Variants in GLG1 observed in about 807,000 individuals in gnomAD.
The protein encoded by GLG1 is golgi glycoprotein 1.
GLG1 carries 38 observed loss-of-function variants against 160.5 expected under a neutral mutation model. The ratio of observed to expected loss-of-function variants is 0.24; its 90% CI spans 0.18 to 0.31. GLG1 has a LOEUF of 0.31. Among genes scored for constraint, GLG1 ranks in the 10% least tolerant of loss-of-function variants. The probability of loss-of-function intolerance (pLI) is 1.00; values close to 1 mark genes in which losing one functional copy is unlikely to be tolerated. For synonymous variants in GLG1, 644 were observed against 543.4 expected, an observed-to-expected ratio of 1.19 and a Z score of -2.57; for missense variants, 1,373 against 1,505.2, an observed-to-expected ratio of 0.91 and a Z score of 1.45.
Position 74,606,847 on chromosome 16 carries a change from T to A in GLG1, c.248A>T (p.Gln83Leu), listed in dbSNP as rs1298610882. 11 of 1,597,844 alleles carry A rather than the reference T, an allele frequency of 6.9e-6. No homozygotes were observed. The highest frequency in any genetic ancestry group is 9.4e-6 in the Non-Finnish European group (11 of 1,173,188). The change falls in exon 1 of 26, where the codon CAG becomes CTG. Residue 83 changes from glutamine to leucine, a missense_variant. Gln to Leu is a moderately radical substitution (Grantham distance 113, BLOSUM62 -2). This residue lies in a region of GLG1 where 322 missense variants were observed against 254.6 expected (regional missense o/e 1.26). Transcript: ENST00000422840. ...AGGCGGCTGCGGCGGCTGAGGCTGC[T>A]GTTGCTGTTGCTGCTGCTGCTGTTG... is the stretch of plus-strand genomic sequence containing the variant. ...QQQQQQQQQQ[Q>L]QPQPPQPPFP...
intron 1 of GLG1, among the ~76,000 whole-genome samples, chr16:74,539,847 A>G (rs2143643220): frequency 6.8e-6 from 1 of 146,252 alleles, no homozygotes; most frequent in South Asian, 2.2e-4. Context: ...AAACTCTAAC[A>G]CTAGTTAAAC....
intron 1 of GLG1, among the ~76,000 whole-genome samples, chr16:74,592,436 T>C (rs1958206223): frequency 6.6e-6 from 1 of 152,110 alleles, no homozygotes; most frequent in Admixed American, 6.6e-5. Context: ...CCGGACTGTT[T>C]ATATAAATGT....
At position 74,503,699 on chromosome 16, in the gene GLG1, G is replaced by T. The variant is rs767088488; in HGVS notation, c.606C>A (p.Ser202=). The part of the protein sequence containing the change: ...DEPVGKGYMV[S]CLVDHRGNIT... ...TGTTGCCTCGGTGATCCACCAAGCAGGAAACCATGTAACCTTTTCCAACCG... is the reference window on the plus strand; with the variant it reads ...TGTTGCCTCGGTGATCCACCAAGCATGAAACCATGTAACCTTTTCCAACCG... The change falls in exon 4 of 26, where the codon TCC becomes TCA. Residue 202 remains serine (S), a synonymous_variant. Coordinates refer to ENST00000422840, the MANE Select transcript of GLG1 (RefSeq NM_001145667.2). The T allele has an allele frequency of 6.2e-7, 1 of 1,613,298 alleles. No homozygotes were observed. Among genetic ancestry groups the T allele is most frequent in the Admixed American group, 1.7e-5 (1 of 60,010 alleles).
At chr16:74,595,699 T>C (rs1597383205) in intron 1 of GLG1, among the ~76,000 whole-genome samples, 2 of 152,262 alleles carry the variant, frequency 1.3e-5, no homozygotes, top group African/African-American at 2.4e-5. Flanking sequence ...ATCAGTGCTA[T>C]TCATAAGTAT....
intron 19 of GLG1, among the ~76,000 whole-genome samples, chr16:74,464,218 A>G (rs1184821099): frequency 1.3e-5 from 2 of 152,148 alleles, no homozygotes; most frequent in African/African-American, 4.8e-5. Context: ...TGAGGAACTT[A>G]TTGTTTAAGC....
At chr16:74,561,028 C>A (rs1333129020) in intron 1 of GLG1, among the ~76,000 whole-genome samples, 7 of 152,228 alleles carry the variant, frequency 4.6e-5, no homozygotes, top group Non-Finnish European at 1.0e-4. Context: ...ACCACGCAGT[C>A]CTGCGCAGTC....
intron 10 of GLG1, among the ~76,000 whole-genome samples, chr16:74,482,796 G>A (rs2015650364): frequency 6.6e-6 from 1 of 152,168 alleles, no homozygotes; most frequent in South Asian, 2.1e-4. Context: ...TTCCAAAGTC[G>A]TGGTGAACAA....
chr16:74,490,515 A>G (rs1190329708), intron 8 of GLG1, among the ~76,000 whole-genome samples: 6 of 152,256 alleles, frequency 3.9e-5, no homozygotes, highest in Non-Finnish European at 8.8e-5. Context: ...TTGATCCTTC[A>G]GGCCAGGAAT....
At chr16:74,480,113 A>T (rs914476929) in intron 11 of GLG1, 128 bp downstream of exon 11, 5 of 726,860 alleles carry the variant, frequency 6.9e-6, no homozygotes, top group Non-Finnish European at 1.2e-5. Flanking sequence ...CTAGAAGTGC[A>T]GCAATCTTCT....
intron 1 of GLG1, among the ~76,000 whole-genome samples, chr16:74,539,958 G>A (rs1425356797): frequency 1.1e-5 from 1 of 89,390 alleles, no homozygotes; most frequent in African/African-American, 4.2e-5. Context: ...TGGTTGACCT[G>A]TGAGTGAAAA....
intron 8 of GLG1, among the ~76,000 whole-genome samples, chr16:74,487,088 A>G (rs1321430763): frequency 1.3e-5 from 2 of 151,932 alleles, no homozygotes; most frequent in Non-Finnish European, 2.9e-5. Flanking sequence ...TAACTTTTGT[A>G]TTTTTAGTGG....
intron 1 of GLG1, among the ~76,000 whole-genome samples, chr16:74,551,607 C>A (rs1427182326): frequency 6.6e-6 from 1 of 151,426 alleles, no homozygotes; most frequent in Non-Finnish European, 1.5e-5. Context: ...CCATGCCCAG[C>A]CCTTATTTTT....
chr16:74,488,334 T>C (rs1313992276), intron 8 of GLG1, among the ~76,000 whole-genome samples: 1 of 152,044 alleles, frequency 6.6e-6, no homozygotes, highest in African/African-American at 2.4e-5. Context: ...TTGAGCCCAG[T>C]AGTTTGAGAA....
At chr16:74,594,128 A>C (rs1028706494) in intron 1 of GLG1, among the ~76,000 whole-genome samples, 5 of 152,030 alleles carry the variant, frequency 3.3e-5, no homozygotes, top group Non-Finnish European at 5.9e-5. Flanking sequence ...GCTGGTCTCG[A>C]ACCCCTGACC....
At chr16:74,583,103 C>T (rs1389820554) in intron 1 of GLG1, among the ~76,000 whole-genome samples, 1 of 152,092 alleles carries the variant, frequency 6.6e-6, no homozygotes, top group Non-Finnish European at 1.5e-5. Context: ...CTATAATTCC[C>T]TCCACAAGCC....
At chr16:74,470,154 C>CTCT (rs3217262) in intron 15 of GLG1, 81 bp from the exon 16 acceptor site, 109,753 of 799,072 alleles carry the variant, frequency 0.14, 9,451 homozygotes, top group East Asian at 0.17. Flanking sequence ...TTTCATATAG[C>CTCT]TCTCACAAGC....
chr16:74,452,807 ATTT>A lies in GLG1; in HGVS notation c.*357_*359del, dbSNP rs1200163104. 7 of 806,404 alleles carry A rather than the reference ATTT, an allele frequency of 8.7e-6. No homozygotes were observed. Among genetic ancestry groups the A allele is most frequent in the Non-Finnish European group, 1.1e-5 (7 of 662,802 alleles). 50.0% of individuals were successfully genotyped at this position (806,404 alleles called of 1,614,324 possible). A position where few individuals can be genotyped will look rare whatever the true frequency, so the allele number is the denominator to read the frequency against. ...TATATACATTTTTTTCTTTAAAAAA[ATTT>A]TTTTTTTTGGTGGTTTTCTTAAAAA... On this transcript the variant is annotated 3_prime_UTR_variant, in exon 26 of 26. Coordinates refer to ENST00000422840, the MANE Select transcript of GLG1 (RefSeq NM_001145667.2).
At chr16:74,514,753 T>C (rs2016925294) in intron 2 of GLG1, among the ~76,000 whole-genome samples, 1 of 152,168 alleles carries the variant, frequency 6.6e-6, no homozygotes, top group Non-Finnish European at 1.5e-5. Flanking sequence ...AATAACCAGC[T>C]AGCATCATAA....
Position 74,480,357 on chromosome 16 carries a change from C to T in GLG1, c.1711G>A (p.Ala571Thr). Residue 571 changes from alanine (A) to threonine (T), a missense_variant, in exon 11 of 26, where the codon GCT becomes ACT. By Grantham distance (58) the Ala-to-Thr change is moderately conservative. Transcript: ENST00000422840. ...PVLYRKCQGD[A>T]SRLCHTHGWN... ...CCGTGGGTGTGGCAAAGACGAGAAGCGTCTCCCTGGCACTTGCGGTACAGG... is the reference window on the plus strand; with the variant it reads ...CCGTGGGTGTGGCAAAGACGAGAAGTGTCTCCCTGGCACTTGCGGTACAGG... The T allele has an allele frequency of 6.2e-7, 1 of 1,613,582 alleles. No individual in the cohort carries two copies.
Sources: allele counts gnomAD v4.1 joint callset (sites outside exome capture counted in the v4.1 genomes callset), GRCh38; gene constraint gnomAD v4.1.1; regional missense constraint gnomAD v4.1.1; transcripts MANE v1.5; gene names NCBI Gene and HGNC (gene_info 2026-07-23, HGNC 2026-07-21).